KCND2: variants seen among roughly 807,000 people sequenced by gnomAD.
The protein encoded by KCND2 is A-type voltage-gated potassium channel KCND2.
In KCND2, 16 loss-of-function variants were observed where a neutral mutation model predicts 54.4. The ratio of observed to expected loss-of-function variants is 0.29; its 90% confidence interval spans 0.20 to 0.45. The LOEUF (loss-of-function observed/expected upper bound fraction) is 0.45, where lower values mean the gene tolerates loss of function less well. KCND2 is among the 20% of genes least tolerant of loss of function. The pLI, the probability that KCND2 is intolerant of heterozygous loss-of-function variation, is 1.00. For synonymous variants in KCND2, 317 were observed against 310.7 expected (o/e 1.02, Z -0.21); for missense variants, 486 against 824.2 (o/e 0.59, Z 5.02).
chr7:120,355,451 G>A (rs903731326), intron 1 of KCND2, among the ~76,000 whole-genome samples: 2 of 152,092 alleles, frequency 1.3e-5, no homozygotes, highest in Non-Finnish European at 2.9e-5. Context: ...GGAGACTGAG[G>A]CAGGAGAATC....
At chr7:120,312,806 G>A (rs1799758196) in intron 1 of KCND2, among the ~76,000 whole-genome samples, 1 of 152,136 alleles carries the variant, frequency 6.6e-6, no homozygotes, top group Non-Finnish European at 1.5e-5. Context: ...CACAAAATAA[G>A]TTGGATTTGG....
In KCND2 at chr7:120,749,005, T is replaced by C. The variant is rs1433423363; in HGVS notation, c.*1147T>C. 1.3e-5 allele frequency: 2 copies of C among 151,968 alleles called. No individual in the cohort carries two copies. Among genetic ancestry groups the C allele is most frequent in the African/African-American group, 2.4e-5 (1 of 41,436 alleles). 9.4% of individuals were successfully genotyped at this position (151,968 alleles called of 1,614,324 possible). On this transcript the variant is annotated 3_prime_UTR_variant, in exon 6 of 6. Transcript: ENST00000331113. ...CCATATAAATTATCTCTAACGTCTT[T>C]GTTGTTTATGGAAAAGCCCAGATAC... is the stretch of plus-strand genomic sequence containing the variant.
At chr7:120,518,367 A>G (rs1057204195) in intron 1 of KCND2, among the ~76,000 whole-genome samples, 1 of 152,168 alleles carries the variant, frequency 6.6e-6, no homozygotes, top group Non-Finnish European at 1.5e-5. Flanking sequence ...AATATTCACA[A>G]CTTAAACATA....
intron 2 of KCND2, 139 bp downstream of exon 2, chr7:120,733,204 T>G: frequency 1.3e-6 from 1 of 784,022 alleles, no homozygotes; most frequent in Non-Finnish European, 2.2e-6. Context: ...TATTCTACAC[T>G]AAAAAGAAAC....
At chr7:120,561,600 T>A (rs1397958571) in intron 1 of KCND2, among the ~76,000 whole-genome samples, 482 of 5,752 alleles carry the variant, frequency 0.084, 3 homozygotes, top group African/African-American at 0.17. Context: ...GCTACCTGAT[T>A]TTTTTTTTTT....
chr7:120,279,227 A>G (rs998897085), intron 1 of KCND2, among the ~76,000 whole-genome samples: 1 of 152,042 alleles, frequency 6.6e-6, no homozygotes, highest in Non-Finnish European at 1.5e-5. Context: ...CCTCATACAC[A>G]TGATCTGGAA....
intron 1 of KCND2, among the ~76,000 whole-genome samples, chr7:120,376,460 A>G (rs1229777635): frequency 6.6e-6 from 1 of 151,080 alleles, no homozygotes; most frequent in Admixed American, 6.6e-5. Context: ...TTTTTAAAAT[A>G]TTTTTACTTA....
intron 1 of KCND2, among the ~76,000 whole-genome samples, chr7:120,456,657 C>T (rs917901): frequency 0.1 from 15,537 of 152,192 alleles, 828 homozygotes; most frequent in Admixed American, 0.13. Flanking sequence ...TATACTTACT[C>T]TGCTATTTCA....
chr7:120,301,611 T>C (rs1365971853), intron 1 of KCND2, among the ~76,000 whole-genome samples: 1 of 152,180 alleles, frequency 6.6e-6, no homozygotes, highest in African/African-American at 2.4e-5. Flanking sequence ...TGGGCCTGGT[T>C]GCATGGCAGC....
At chr7:120,678,930 T>TAAC (rs888732270) in intron 1 of KCND2, among the ~76,000 whole-genome samples, 2 of 151,482 alleles carry the variant, frequency 1.3e-5, no homozygotes, top group African/African-American at 4.8e-5. Context: ...ACTTGTAAGG[T>TAAC]AACAGTACTT....
chr7:120,470,830 A>T, intron 1 of KCND2, among the ~76,000 whole-genome samples: 1 of 148,946 alleles, frequency 6.7e-6, no homozygotes, highest in Non-Finnish European at 1.5e-5. Context: ...TATATTTAAA[A>T]TATATAATAT....
rs150864016 is a variant in KCND2, at chr7:120,543,146, A to AATAT, written c.1116-189744_1116-189741dup. Among the ~76,000 whole-genome samples, 4 of 150,138 alleles carry AATAT rather than the reference A, an allele frequency of 2.7e-5. No individual in the cohort carries two copies. In the Admixed American group the frequency reaches 2.7e-4, roughly 10 times the overall value. ...AAAAATCCAAGCAACATAACCTCAAAATATATATATATATATCTAACCGAT... is the reference window on the plus strand; with the variant it reads ...AAAAATCCAAGCAACATAACCTCAAAATATATATATATATATATATCTAACCGAT... On this transcript the variant is annotated intron_variant, in intron 1 of 5. Coordinates refer to ENST00000331113, the MANE Select transcript of KCND2 (RefSeq NM_012281.3).
intron 1 of KCND2, among the ~76,000 whole-genome samples, chr7:120,468,008 G>A (rs770932532): frequency 2.1e-4 from 32 of 152,040 alleles, no homozygotes; most frequent in Non-Finnish European, 4.1e-4. Context: ...GTTGATAAAT[G>A]ACAATTATAT....
Position 120,505,213 on chromosome 7 carries a change from G to A in KCND2, c.1116-227690G>A, listed in dbSNP as rs909397546. Among the ~76,000 whole-genome samples, 9 of 151,450 alleles carry A rather than the reference G, an allele frequency of 5.9e-5. No homozygotes were observed. The South Asian group carries it at 1.5e-3, about 25-fold the overall frequency. On this transcript the variant is annotated intron_variant, in intron 1 of 5. Transcript: ENST00000331113. Reference sequence around the variant, plus strand: ...AAAAGTATGTCAGGTGAAGACTGGCGTGAGGTGGCCAAAGATAACAACATT... The same window carrying A: ...AAAAGTATGTCAGGTGAAGACTGGCATGAGGTGGCCAAAGATAACAACATT...
chr7:120,584,929 A>G (rs1248341373), intron 1 of KCND2, among the ~76,000 whole-genome samples: 2 of 152,226 alleles, frequency 1.3e-5, no homozygotes, highest in Non-Finnish European at 2.9e-5. Context: ...AAAAGAAGAA[A>G]AATAGGGAAA....
intron 1 of KCND2, among the ~76,000 whole-genome samples, chr7:120,383,747 A>C (rs1412292707): frequency 6.6e-6 from 1 of 152,130 alleles, no homozygotes; most frequent in East Asian, 1.9e-4. Context: ...CAGAAGAAAA[A>C]AATACAGTGT....
intron 1 of KCND2, among the ~76,000 whole-genome samples, chr7:120,584,750 G>A (rs546341164): frequency 2.0e-5 from 3 of 152,284 alleles, no homozygotes; most frequent in African/African-American, 7.2e-5. Context: ...ACGTGCTCAC[G>A]CACACACACG....
intron 1 of KCND2, among the ~76,000 whole-genome samples, chr7:120,279,819 A>C (rs189724125): frequency 1.6e-4 from 25 of 152,004 alleles, no homozygotes; most frequent in South Asian, 4.1e-4. Context: ...CATATCTATG[A>C]TATACGATAA....
intron 1 of KCND2, among the ~76,000 whole-genome samples, chr7:120,396,040 T>C (rs1385509065): frequency 6.6e-6 from 1 of 152,046 alleles, no homozygotes; most frequent in African/African-American, 2.4e-5. Flanking sequence ...AGTTCAGCCA[T>C]ATTTTGTATA....
Sources: allele counts gnomAD v4.1 joint callset (sites outside exome capture counted in the v4.1 genomes callset), GRCh38; gene constraint gnomAD v4.1.1; transcripts MANE v1.5; gene names NCBI Gene and HGNC (gene_info 2026-07-23, HGNC 2026-07-21).